The following ARHGAP26 variants were observed in gnomAD, a reference collection of about 807,000 sequenced individuals.
ARHGAP26 encodes the protein Rho GTPase activating protein 26, also known as rho GTPase-activating protein 26.
ARHGAP26 carries 38 observed loss-of-function variants against 104.8 expected under a neutral mutation model. The ratio of observed to expected loss-of-function variants is 0.36; its 90% CI spans 0.28 to 0.48. The LOEUF (loss-of-function observed/expected upper bound fraction) is 0.48, where lower values mean the gene tolerates loss of function less well. Among genes scored for constraint, ARHGAP26 ranks in the 20% least tolerant of loss-of-function variants. The pLI, the probability that ARHGAP26 is intolerant of heterozygous loss-of-function variation, is 0.99. For missense variants in ARHGAP26, 704 were observed against 947.9 expected (o/e 0.74, Z 3.38); for synonymous variants, 341 against 340.0 (o/e 1.00, Z -0.03).
At chr5:142,834,844 A>G (rs1314194058) in intron 1 of ARHGAP26, among the ~76,000 whole-genome samples, 2 of 152,252 alleles carry the variant, frequency 1.3e-5, no homozygotes, top group Non-Finnish European at 2.9e-5. Context: ...AATGGGAGGA[A>G]TGGCAAAGTC....
intron 17 of ARHGAP26, among the ~76,000 whole-genome samples, chr5:143,083,281 A>G (rs1790074865): frequency 6.6e-6 from 1 of 152,204 alleles, no homozygotes; most frequent in Non-Finnish European, 1.5e-5. Flanking sequence ...GCTCAAGCAT[A>G]CATCGCAGTA....
chr5:142,867,187 G>C (rs768051357), intron 1 of ARHGAP26, among the ~76,000 whole-genome samples: 1 of 152,088 alleles, frequency 6.6e-6, no homozygotes, highest in Non-Finnish European at 1.5e-5. Flanking sequence ...GGTGTTCTCT[G>C]ATATAGTTGA....
At chr5:143,056,294 A>G (rs527768549) in intron 16 of ARHGAP26, among the ~76,000 whole-genome samples, 1 of 148,858 alleles carries the variant, frequency 6.7e-6, no homozygotes, top group East Asian at 2.0e-4. Flanking sequence ...AATTTACAGC[A>G]GAGGACAGAA....
At chr5:142,941,607 A>G (rs916104894) in intron 11 of ARHGAP26, among the ~76,000 whole-genome samples, 1 of 152,230 alleles carries the variant, frequency 6.6e-6, no homozygotes, top group African/African-American at 2.4e-5. Context: ...GGACTTCATA[A>G]TAGGTGCATA....
At chr5:142,913,433 C>G in intron 10 of ARHGAP26, 140 bp downstream of exon 10, 1 of 697,994 alleles carries the variant, frequency 1.4e-6, no homozygotes, top group South Asian at 1.8e-5. Context: ...TGCCTCCTTC[C>G]TTTCCTTCTC....
At chr5:143,166,796 G>A (rs41517244) in intron 20 of ARHGAP26, among the ~76,000 whole-genome samples, 1 of 152,294 alleles carries the variant, frequency 6.6e-6, no homozygotes, top group African/African-American at 2.4e-5. Context: ...GGTAGAGCAC[G>A]TTCGAAGACT....
intron 20 of ARHGAP26, among the ~76,000 whole-genome samples, chr5:143,201,053 C>T (rs989181861): frequency 1.3e-5 from 2 of 152,240 alleles, no homozygotes; most frequent in East Asian, 1.9e-4. Flanking sequence ...CTTCCTAAAC[C>T]GTTATTCTTT....
chr5:143,018,944 T>G (rs570487479), intron 12 of ARHGAP26, among the ~76,000 whole-genome samples: 31 of 152,354 alleles, frequency 2.0e-4, no homozygotes, highest in African/African-American at 7.2e-4. Context: ...TAATATTAAG[T>G]CATGTCTTCC....
chr5:142,856,058 G>A (rs974865997), intron 1 of ARHGAP26, among the ~76,000 whole-genome samples: 1 of 152,242 alleles, frequency 6.6e-6, no homozygotes, highest in Admixed American at 6.5e-5. Context: ...GTCTCTTTAT[G>A]TTATTGTGTT....
chr5:143,105,740 C>T (rs1027279861), intron 17 of ARHGAP26, among the ~76,000 whole-genome samples: 3 of 152,152 alleles, frequency 2.0e-5, no homozygotes, highest in African/African-American at 4.8e-5. Flanking sequence ...CACCAAGGTT[C>T]GTGGCTGTAG....
intron 20 of ARHGAP26, among the ~76,000 whole-genome samples, chr5:143,199,285 T>C (rs951211971): frequency 6.6e-6 from 1 of 152,198 alleles, no homozygotes; most frequent in Non-Finnish European, 1.5e-5. Flanking sequence ...TTAGGACTTA[T>C]ATAGGATTTC....
At chr5:142,932,994 G>T (rs564826377) in intron 11 of ARHGAP26, among the ~76,000 whole-genome samples, 1 of 152,314 alleles carries the variant, frequency 6.6e-6, no homozygotes, top group South Asian at 2.1e-4. Flanking sequence ...TATAGAGCAA[G>T]ATCTCTTAAA....
intron 1 of ARHGAP26, among the ~76,000 whole-genome samples, chr5:142,828,371 AC>A (rs1415350352): frequency 1.3e-5 from 2 of 152,152 alleles, no homozygotes; most frequent in African/African-American, 4.8e-5. Context: ...CAGCATATGC[AC>A]CACAAAATGA....
At chr5:143,018,277 C>T (rs1779861248) in intron 12 of ARHGAP26, among the ~76,000 whole-genome samples, 1 of 152,180 alleles carries the variant, frequency 6.6e-6, no homozygotes, top group African/African-American at 2.4e-5. Flanking sequence ...TAAATATGTT[C>T]TCATCTTGTC....
chr5:142,918,724 C>T (rs1426807903), intron 10 of ARHGAP26, among the ~76,000 whole-genome samples: 1 of 152,128 alleles, frequency 6.6e-6, no homozygotes, highest in African/African-American at 2.4e-5. Context: ...AAATGTTTCA[C>T]AGACTAATGT....
intron 20 of ARHGAP26, among the ~76,000 whole-genome samples, chr5:143,171,613 G>T (rs906618201): frequency 1.3e-5 from 2 of 152,150 alleles, no homozygotes; most frequent in Admixed American, 6.5e-5. Flanking sequence ...GTTGCCAGAG[G>T]TGCTGTCACT....
chr5:143,017,058 G>C (rs1779687841), intron 12 of ARHGAP26, among the ~76,000 whole-genome samples: 2 of 152,186 alleles, frequency 1.3e-5, no homozygotes, highest in South Asian at 4.1e-4. Flanking sequence ...AAGCCAATCT[G>C]ATATGAATTT....
Position 142,996,209 on chromosome 5 carries a change from T to C in ARHGAP26, c.1108-17871T>C, listed in dbSNP as rs137865321. 2.3e-3 allele frequency among the ~76,000 whole-genome samples: 343 copies of C among 152,246 alleles called. 4 individuals carry two copies. Among genetic ancestry groups the C allele is most frequent in the African/African-American group, 8.1e-3 (335 of 41,548 alleles). ...GTATAATAAAAAATGAAAATAGGTTTGTGGCTGGGTGCAGTGGCTCACACC... is the reference window on the plus strand; with the variant it reads ...GTATAATAAAAAATGAAAATAGGTTCGTGGCTGGGTGCAGTGGCTCACACC... On this transcript the variant is annotated intron_variant, in intron 11 of 22. Coordinates refer to ENST00000645722, the MANE Select transcript of ARHGAP26 (RefSeq NM_001135608.3).
In ARHGAP26 at chr5:142,771,318, C is replaced by T. The variant is rs74894836; in HGVS notation, c.154+403C>T. On this transcript the variant is annotated intron_variant, in intron 1 of 22. Coordinates refer to ENST00000645722, the MANE Select transcript of ARHGAP26 (RefSeq NM_001135608.3). ...GGCAGAGTTGCTCAGCCTTGAGTGC[C>T]CAACCGTGAGAATGGAGCGTGCCCT... 2.4e-6 allele frequency: 3 copies of T among 1,233,008 alleles called. No homozygotes were observed. In the South Asian group the frequency reaches 1.2e-4, roughly 50 times the overall value. The allele number at this position is 1,233,008 out of a possible 1,614,324, so 76.4% of individuals were successfully genotyped here.
Sources: gnomAD v4.1 joint callset for allele counts (sites outside exome capture counted in the v4.1 genomes callset) on GRCh38, gnomAD v4.1.1 for gene constraint, MANE v1.5 for transcripts, NCBI Gene and HGNC (gene_info 2026-07-23, HGNC 2026-07-21) for gene names.